Variants in SAMD13 observed in about 807,000 individuals in gnomAD.
The protein encoded by SAMD13 is sterile alpha motif domain-containing protein 13.
In SAMD13, 9 loss-of-function variants were observed where a neutral mutation model predicts 12.4. The observed-to-expected ratio is 0.72, with a 90% CI of 0.44 to 1.26. SAMD13 has a LOEUF of 1.26. SAMD13 is among the 50% of genes most tolerant of loss of function. The pLI is 0.00. For synonymous variants in SAMD13, 46 were observed against 45.4 expected (o/e 1.01, Z -0.05); for missense variants, 84 against 119.6 (o/e 0.70, Z 1.39).
chr1:84,318,839 TG>T (rs1678886112), intron 2 of SAMD13, among the ~76,000 whole-genome samples: 1 of 152,220 alleles, frequency 6.6e-6, no homozygotes, highest in Non-Finnish European at 1.5e-5. Context: ...TAAATGATAA[TG>T]GATTAAGAAT....
In SAMD13 at chr1:84,326,420, T is replaced by C. The variant is rs116454447; in HGVS notation, c.165+672T>C. Among the ~76,000 whole-genome samples the C allele has an allele frequency of 6.0e-3, 907 of 152,286 alleles. 11 individuals carry two copies. The highest frequency in any genetic ancestry group is 0.021 in the African/African-American group (868 of 41,550). ...AGTGTTGATACTCAAAAAATGGGAT[T>C]TCCTTTTCCTCAGGTCCAGGGATGG... On this transcript the variant is annotated intron_variant, in intron 3 of 3. Transcript: ENST00000394834.
rs538611932 is a variant in SAMD13 at position 84,313,689 on chromosome 1, C to G, written c.53+10402C>G. Among the ~76,000 whole-genome samples, 17 of 152,200 alleles carry G rather than the reference C, an allele frequency of 1.1e-4. No individual in the cohort carries two copies. In the South Asian group the frequency reaches 3.5e-3, roughly 32 times the overall value. On this transcript the variant is annotated intron_variant, in intron 2 of 3. Coordinates refer to ENST00000394834, the MANE Select transcript of SAMD13 (RefSeq NM_001134663.2). ...TGGAGAACTACTGCAGTAGAAAGTT[C>G]CCAGTGATGAAGTTTAGCAAGGACT...
At position 84,314,065 on chromosome 1, in the gene SAMD13, A is replaced by C. The variant is rs1273869701; in HGVS notation, c.53+10778A>C. Among the ~76,000 whole-genome samples the C allele has an allele frequency of 2.0e-5, 3 of 152,320 alleles. No individual in the cohort carries two copies. In the South Asian group the frequency reaches 6.2e-4, roughly 32 times the overall value. On this transcript the variant is annotated intron_variant, in intron 2 of 3. Transcript: ENST00000394834. Reference sequence around the variant, plus strand: ...AGAAGTAAAATATTAAGGTAGACTTAGAAATTATTATGGTATTGCTAGAGT... The same window carrying C: ...AGAAGTAAAATATTAAGGTAGACTTCGAAATTATTATGGTATTGCTAGAGT...
At chr1:84,319,663 G>A (rs12758816) in intron 2 of SAMD13, among the ~76,000 whole-genome samples, 1 of 151,168 alleles carries the variant, frequency 6.6e-6, no homozygotes, top group African/African-American at 2.4e-5. Context: ...ATTTACACTA[G>A]AGGATTTTAT....
upstream of SAMD13, chr1:84,299,598 T>C: frequency 1.3e-6 from 2 of 1,517,634 alleles, no homozygotes; most frequent in Non-Finnish European, 1.8e-6. Flanking sequence ...ACACACAACT[T>C]TTTATCAGCA....
chr1:84,305,826 G>C (rs1414789620), intron 2 of SAMD13, among the ~76,000 whole-genome samples: 1 of 152,080 alleles, frequency 6.6e-6, no homozygotes, highest in Non-Finnish European at 1.5e-5. Flanking sequence ...TTATTTCTGG[G>C]CTCTCTATTG....
intron 3 of SAMD13, among the ~76,000 whole-genome samples, chr1:84,343,938 T>C (rs1679479472): frequency 6.6e-6 from 1 of 152,224 alleles, no homozygotes; most frequent in Non-Finnish European, 1.5e-5. Context: ...TCAATTCTAG[T>C]TATATTTTGT....
At chr1:84,317,938 C>G (rs1283734699) in intron 2 of SAMD13, among the ~76,000 whole-genome samples, 1 of 151,950 alleles carries the variant, frequency 6.6e-6, no homozygotes, top group East Asian at 1.9e-4. Flanking sequence ...CTTCTAGGGA[C>G]CTATTTCTTC....
chr1:84,326,133 T>G (rs920785923), intron 3 of SAMD13, among the ~76,000 whole-genome samples: 2 of 152,146 alleles, frequency 1.3e-5, no homozygotes, highest in Non-Finnish European at 2.9e-5. Context: ...CACCACCTCC[T>G]ACTACTGGCC....
intron 2 of SAMD13, among the ~76,000 whole-genome samples, chr1:84,323,482 T>A (rs1678993082): frequency 6.6e-6 from 1 of 152,206 alleles, no homozygotes; most frequent in Non-Finnish European, 1.5e-5. Context: ...TCACCATCTT[T>A]AAGCCCAAAA....
chr1:84,329,166 A>G (rs761601974), intron 3 of SAMD13, among the ~76,000 whole-genome samples: 5 of 152,068 alleles, frequency 3.3e-5, no homozygotes, highest in Admixed American at 6.5e-5. Context: ...GACACCAGAG[A>G]GCTTACTCTC....
intron 2 of SAMD13, among the ~76,000 whole-genome samples, chr1:84,309,229 A>C (rs184699049): frequency 6.6e-6 from 1 of 152,144 alleles, no homozygotes; most frequent in Non-Finnish European, 1.5e-5. Flanking sequence ...TTTTTTCTTC[A>C]TACAATTTTT....
chr1:84,331,194 T>A (rs941969870), intron 3 of SAMD13, among the ~76,000 whole-genome samples: 11 of 151,988 alleles, frequency 7.2e-5, no homozygotes, highest in Non-Finnish European at 1.5e-4. Context: ...AGAGCAACCC[T>A]GAGCATAGTG....
At chr1:84,331,213 A>G (rs1452629234) in intron 3 of SAMD13, among the ~76,000 whole-genome samples, 2 of 151,802 alleles carry the variant, frequency 1.3e-5, no homozygotes, top group East Asian at 3.9e-4. Flanking sequence ...TGTTCTAATC[A>G]CGGCCAAATC....
At chr1:84,322,162 A>C (rs1263802694) in intron 2 of SAMD13, among the ~76,000 whole-genome samples, 1 of 152,144 alleles carries the variant, frequency 6.6e-6, no homozygotes, top group East Asian at 1.9e-4. Context: ...CTGTTTCCAC[A>C]TCTGGTTTCC....
chr1:84,342,118 T>C (rs137909562), intron 3 of SAMD13, among the ~76,000 whole-genome samples: 4 of 152,262 alleles, frequency 2.6e-5, no homozygotes, highest in Non-Finnish European at 5.9e-5. Context: ...GAGAGACGCA[T>C]GCATCATCCC....
intron 3 of SAMD13, among the ~76,000 whole-genome samples, chr1:84,341,936 A>C (rs1679436164): frequency 6.6e-6 from 1 of 152,228 alleles, no homozygotes; most frequent in Admixed American, 6.5e-5. Flanking sequence ...TTTCTTGCTC[A>C]TACAGATAGT....
chr1:84,302,541 TACACACACAC>T lies in SAMD13; in HGVS notation c.-32-635_-32-626del, dbSNP rs58540263. 1,605 of 204,920 alleles carry T rather than the reference TACACACACAC, an allele frequency of 7.8e-3. 26 individuals carry two copies. Among genetic ancestry groups the T allele is most frequent in the African/African-American group, 0.035 (1,400 of 39,886 alleles). The allele number at this position is 204,920 out of a possible 1,614,324, so 12.7% of individuals were successfully genotyped here. On this transcript the variant is annotated intron_variant, in intron 1 of 3. Transcript: ENST00000394834. ...TGAGTTACCTACTCTTTCTTACACATACACACACACACACACACACACACACACACACACA... is the reference window on the plus strand; with the variant it reads ...TGAGTTACCTACTCTTTCTTACACATACACACACACACACACACACACACA...
rs544235603 is a variant in SAMD13, at chr1:84,339,947, CGGA to C, written c.166-9679_166-9677del. Among the ~76,000 whole-genome samples the C allele has an allele frequency of 3.2e-3, 481 of 152,248 alleles. 3 individuals carry two copies. Among genetic ancestry groups the C allele is most frequent in the African/African-American group, 0.011 (440 of 41,532 alleles). Reference sequence around the variant, plus strand: ...AGAAAGGGATGAGATCAAAAGAATACGGAGGAGCAAGGATGTGGAGAAATTTCT... The same window carrying C: ...AGAAAGGGATGAGATCAAAAGAATACGGAGCAAGGATGTGGAGAAATTTCT... On this transcript the variant is annotated intron_variant, in intron 3 of 3. Transcript: ENST00000394834.
Sources: gnomAD v4.1 joint callset for allele counts (sites outside exome capture counted in the v4.1 genomes callset) on GRCh38, gnomAD v4.1.1 for gene constraint, MANE v1.5 for transcripts, NCBI Gene and HGNC (gene_info 2026-07-23, HGNC 2026-07-21) for gene names.